Variants in ATP2B2 observed in about 807,000 individuals in gnomAD.
ATP2B2 encodes the protein plasma membrane calcium-transporting ATPase 2.
ATP2B2 carries 15 observed loss-of-function variants against 120.0 expected under a neutral mutation model. The observed-to-expected ratio is 0.12, with a 90% confidence interval of 0.08 to 0.19. The LOEUF (loss-of-function observed/expected upper bound fraction) is 0.19. Among genes scored for constraint, ATP2B2 ranks in the 10% least tolerant of loss-of-function variants. The pLI is 1.00. For missense variants in ATP2B2, 1,045 were observed against 1,719.8 expected (o/e 0.61, Z 6.94); for synonymous variants, 694 against 700.3 (o/e 0.99, Z 0.14).
chr3:10,627,838 T>C (rs1255869342), intron 1 of ATP2B2, among the ~76,000 whole-genome samples: 1 of 152,116 alleles, frequency 6.6e-6, no homozygotes, highest in African/African-American at 2.4e-5. Context: ...GTTTATCAAA[T>C]GGTCACTTAT....
chr3:10,355,792 G>A lies in ATP2B2; in HGVS notation c.2136+2899C>T, dbSNP rs796631431. On this transcript the variant is annotated intron_variant, in intron 14 of 22. Transcript: ENST00000360273. ...TGACTTAGAACTACTTGTCCTTTCC[G>A]GCCGGGCGCGGTGGCTCACGCCTGT... Among the ~76,000 whole-genome samples the A allele has an allele frequency of 7.9e-5, 2 of 25,330 alleles. 1 individual carries two copies. Among genetic ancestry groups the A allele is most frequent in the Non-Finnish European group, 1.5e-4 (2 of 13,048 alleles). The allele number at this position is 25,330 out of a possible 152,430, so 16.6% of individuals were successfully genotyped here.
At chr3:10,377,587 A>G (rs2061416643) in intron 10 of ATP2B2, among the ~76,000 whole-genome samples, 1 of 152,226 alleles carries the variant, frequency 6.6e-6, no homozygotes, top group Admixed American at 6.5e-5. Flanking sequence ...GTCACCAGCC[A>G]TCACCTGCAG....
rs1436110505 is a variant in ATP2B2, at chr3:10,324,169, G to GTCCCAGAGCC, written c.*4635_*4644dup. ...GCACAGTCACTTCCCAGCCCCGATTGTCCCAGAGCCCCCCAGAGCCCGGGC... is the reference window on the plus strand; with the variant it reads ...GCACAGTCACTTCCCAGCCCCGATTGTCCCAGAGCCTCCCAGAGCCCCCCAGAGCCCGGGC... On this transcript the variant is annotated 3_prime_UTR_variant, in exon 23 of 23. Transcript: ENST00000360273. The GTCCCAGAGCC allele has an allele frequency of 6.6e-6, 1 of 152,108 alleles. No individual in the cohort carries two copies. Among genetic ancestry groups the GTCCCAGAGCC allele is most frequent in the African/African-American group, 2.4e-5 (1 of 41,382 alleles). The allele number at this position is 152,108 out of a possible 1,614,324, so 9.4% of individuals were successfully genotyped here.
At chr3:10,656,013 T>C (rs1048349127) in intron 1 of ATP2B2, among the ~76,000 whole-genome samples, 2 of 152,156 alleles carry the variant, frequency 1.3e-5, no homozygotes, top group Admixed American at 1.3e-4. Context: ...AATCCCTGGA[T>C]TGATGAGTCC....
intron 2 of ATP2B2, among the ~76,000 whole-genome samples, chr3:10,581,497 AG>A (rs1399503506): frequency 6.6e-6 from 1 of 152,214 alleles, no homozygotes; most frequent in South Asian, 2.1e-4. Context: ...CACAGTGATG[AG>A]GAACTGCAGA....
intron 1 of ATP2B2, among the ~76,000 whole-genome samples, chr3:10,697,564 A>G (rs948637003): frequency 3.9e-5 from 6 of 152,168 alleles, no homozygotes; most frequent in African/African-American, 1.2e-4. Flanking sequence ...TTTCTCCACG[A>G]CATACCTCTG....
Position 10,338,375 on chromosome 3 carries a change from C to T in ATP2B2, c.3238-17G>A. 1 of 1,614,180 alleles carries T rather than the reference C, an allele frequency of 6.2e-7. No homozygotes were observed. The stretch of plus-strand genomic sequence containing the variant: ...GGCGATGACCTGCAAGGGACCCTGT[C>T]TGTCAGGACGGTGGGGCTGTCCTTC... On this transcript the variant is annotated splice_polypyrimidine_tract_variant and intron_variant, in intron 21 of 22. Transcript: ENST00000360273.
chr3:10,628,791 C>T lies in ATP2B2; in HGVS notation c.-459-8830G>A, dbSNP rs181364249. 5.6e-4 allele frequency among the ~76,000 whole-genome samples: 86 copies of T among 152,292 alleles called. 1 individual carries two copies. The highest frequency in any genetic ancestry group is 6.0e-4 in the Non-Finnish European group (41 of 68,032). ...GCTGGTTATTTCTGGTAGTTCTGCT[C>T]TATAAAGTCACTGTGGGTGCTGAAT... On this transcript the variant is annotated intron_variant, in intron 1 of 21. Coordinates refer to the ATP2B2 transcript ENST00000646379.
At chr3:10,492,133 G>T (rs536584134) in intron 1 of ATP2B2, among the ~76,000 whole-genome samples, 1 of 152,018 alleles carries the variant, frequency 6.6e-6, no homozygotes, top group East Asian at 1.9e-4. Flanking sequence ...GGAAAATAGG[G>T]TTTTCCAAGC....
chr3:10,521,573 A>G (rs1376862202), intron 3 of ATP2B2, among the ~76,000 whole-genome samples: 1 of 152,232 alleles, frequency 6.6e-6, no homozygotes, highest in Non-Finnish European at 1.5e-5. Context: ...TCCAAGTCCA[A>G]CCAATATAGA....
intron 1 of ATP2B2, among the ~76,000 whole-genome samples, chr3:10,656,572 T>C (rs1437906235): frequency 6.6e-6 from 1 of 152,172 alleles, no homozygotes; most frequent in African/African-American, 2.4e-5. Context: ...TCAAATGCAG[T>C]AATTTTTCAG....
intron 13 of ATP2B2, among the ~76,000 whole-genome samples, chr3:10,359,600 G>A (rs187412603): frequency 2.6e-5 from 4 of 152,314 alleles, no homozygotes; most frequent in African/African-American, 9.6e-5. Flanking sequence ...ACTTCCTGAT[G>A]AACCAGCGGC....
chr3:10,592,527 A>G (rs1017016696), intron 2 of ATP2B2, among the ~76,000 whole-genome samples: 1 of 152,202 alleles, frequency 6.6e-6, no homozygotes, highest in African/African-American at 2.4e-5. Context: ...TTTCCCCTTG[A>G]AAATGGAAAC....
chr3:10,423,185 T>C (rs1178664487), intron 2 of ATP2B2, among the ~76,000 whole-genome samples: 1 of 152,228 alleles, frequency 6.6e-6, no homozygotes, highest in Non-Finnish European at 1.5e-5. Context: ...AACAAACTTA[T>C]TGTTTATTTG....
chr3:10,565,821 G>A lies in ATP2B2; in HGVS notation c.-414-31688C>T, dbSNP rs558252960. On this transcript the variant is annotated intron_variant, in intron 2 of 21. Transcript: ENST00000646379. ...TAAGAGAATGAACTCTGGAGTTAGA[G>A]TGGCTGAGTCCCAGTCCTTCTTACT... Among the ~76,000 whole-genome samples the A allele has an allele frequency of 4.6e-5, 7 of 152,328 alleles. No homozygotes were observed. The South Asian group carries it at 1.5e-3, about 32-fold the overall frequency.
At chr3:10,589,024 G>A (rs1041690899) in intron 2 of ATP2B2, among the ~76,000 whole-genome samples, 16 of 152,276 alleles carry the variant, frequency 1.1e-4, no homozygotes, top group African/African-American at 3.9e-4. Context: ...TGGGCGGGCG[G>A]CAAGAAGGGG....
intron 1 of ATP2B2, among the ~76,000 whole-genome samples, chr3:10,651,801 GGTA>G (rs2070475067): frequency 6.7e-6 from 1 of 149,794 alleles, no homozygotes; most frequent in African/African-American, 2.4e-5. Flanking sequence ...GGATGAAGGT[GGTA>G]GTAGATTTAG....
At chr3:10,381,037 C>G (rs1333057985) in intron 8 of ATP2B2, among the ~76,000 whole-genome samples, 1 of 152,226 alleles carries the variant, frequency 6.6e-6, no homozygotes, top group South Asian at 2.1e-4. Context: ...GGAGCATCCT[C>G]GGAATAGCCC....
chr3:10,685,244 G>C (rs892229489), intron 1 of ATP2B2, among the ~76,000 whole-genome samples: 2 of 152,188 alleles, frequency 1.3e-5, no homozygotes, highest in African/African-American at 4.8e-5. Flanking sequence ...GGTATCTAAC[G>C]GCAGGAATAA....
Sources: gnomAD v4.1 joint callset for allele counts (sites outside exome capture counted in the v4.1 genomes callset) on GRCh38, gnomAD v4.1.1 for gene constraint, MANE v1.5 for transcripts, NCBI Gene and HGNC (gene_info 2026-07-23, HGNC 2026-07-21) for gene names.